Variants in ARID1B observed in about 807,000 individuals in gnomAD.
ARID1B encodes the protein AT-rich interaction domain 1B, also known as AT-rich interactive domain-containing protein 1B.
A neutral mutation model predicts 212.3 loss-of-function variants in ARID1B; 30 were observed. That is an observed-to-expected ratio of 0.14 (90% CI 0.11 to 0.19). The LOEUF (loss-of-function observed/expected upper bound fraction) is 0.19. Ranked by LOEUF, ARID1B falls within the 10% of genes least tolerant of loss-of-function variation. The pLI is 1.00. For synonymous variants in ARID1B, 1,402 were observed against 1,301.7 expected, an observed-to-expected ratio of 1.08 and a Z score of -1.66; for missense variants, 2,891 against 3,204.0, an observed-to-expected ratio of 0.90 and a Z score of 2.36.
intron 4 of ARID1B, among the ~76,000 whole-genome samples, chr6:157,070,640 A>G (rs1379206495): frequency 1.3e-5 from 2 of 152,234 alleles, no homozygotes; most frequent in Non-Finnish European, 2.9e-5. Context: ...GTTCTGGAGC[A>G]TGCGGCAGTA....
chr6:157,058,582 T>A (rs943710080), intron 4 of ARID1B, among the ~76,000 whole-genome samples: 1 of 152,216 alleles, frequency 6.6e-6, no homozygotes, highest in Non-Finnish European at 1.5e-5. Context: ...ATCTTAATCT[T>A]TGTGCCAAAT....
At chr6:156,987,473 G>A (rs1777995773) in intron 4 of ARID1B, among the ~76,000 whole-genome samples, 1 of 152,036 alleles carries the variant, frequency 6.6e-6, no homozygotes, top group South Asian at 2.1e-4. Context: ...TGAGACTACA[G>A]GCGCCCGCTA....
intron 2 of ARID1B, among the ~76,000 whole-genome samples, chr6:156,898,172 C>G (rs1409286145): frequency 6.6e-6 from 1 of 152,150 alleles, no homozygotes; most frequent in Non-Finnish European, 1.5e-5. Context: ...GACTAGCGCT[C>G]AGTAACTGTT....
chr6:157,012,835 C>T (rs1779694853), intron 4 of ARID1B, among the ~76,000 whole-genome samples: 1 of 152,132 alleles, frequency 6.6e-6, no homozygotes, highest in Non-Finnish European at 1.5e-5. Flanking sequence ...TGGTATGGGA[C>T]CTTACATGGT....
chr6:157,062,694 ATATATATATATATTTTTTTTTTT>A (rs1370372050), intron 4 of ARID1B, among the ~76,000 whole-genome samples: 2 of 124,324 alleles, frequency 1.6e-5, no homozygotes, highest in African/African-American at 6.1e-5. Flanking sequence ...GTTTTAAAAT[ATATATATATATATTTTTTTTTTT>A]TTTGAGATGG....
intron 4 of ARID1B, among the ~76,000 whole-genome samples, chr6:156,969,371 G>C (rs1007028289): frequency 6.6e-6 from 1 of 152,216 alleles, no homozygotes; most frequent in East Asian, 1.9e-4. Flanking sequence ...GTGGTTCCCT[G>C]TTCAGCCGTG....
At chr6:157,004,551 T>G (rs1272916623) in intron 4 of ARID1B, among the ~76,000 whole-genome samples, 1 of 152,174 alleles carries the variant, frequency 6.6e-6, no homozygotes, top group African/African-American at 2.4e-5. Flanking sequence ...ATTTCACAGA[T>G]TTTGAAATTT....
intron 2 of ARID1B, among the ~76,000 whole-genome samples, chr6:156,872,910 C>T (rs982258581): frequency 1.3e-5 from 2 of 152,122 alleles, no homozygotes; most frequent in African/African-American, 2.4e-5. Flanking sequence ...CCCTGCCCAT[C>T]GGCCCATCCG....
intron 4 of ARID1B, among the ~76,000 whole-genome samples, chr6:157,031,254 G>A (rs1024225201): frequency 2.0e-5 from 3 of 152,142 alleles, no homozygotes; most frequent in African/African-American, 7.2e-5. Context: ...TTATTTATTA[G>A]TGTCTACTTT....
chr6:156,829,918 GA>G (rs1783026902), intron 2 of ARID1B, among the ~76,000 whole-genome samples: 2 of 151,684 alleles, frequency 1.3e-5, no homozygotes, highest in South Asian at 4.2e-4. Flanking sequence ...TGTACCTTTT[GA>G]AAAAGGTTTC....
intron 7 of ARID1B, among the ~76,000 whole-genome samples, chr6:157,143,557 C>T (rs540735568): frequency 3.7e-4 from 56 of 152,036 alleles, no homozygotes; most frequent in Non-Finnish European, 6.6e-4. Context: ...TTAGGCAGTG[C>T]GGTGCCTGGC....
chr6:156,792,781 C>G (rs886345472), intron 1 of ARID1B, among the ~76,000 whole-genome samples: 1 of 152,116 alleles, frequency 6.6e-6, no homozygotes, highest in African/African-American at 2.4e-5. Flanking sequence ...TGGGTCAGAG[C>G]ATCCGTTACA....
At chr6:156,973,061 C>G (rs534248452) in intron 4 of ARID1B, among the ~76,000 whole-genome samples, 45 of 152,280 alleles carry the variant, frequency 3.0e-4, no homozygotes, top group African/African-American at 1.0e-3. Flanking sequence ...GTATAACAGA[C>G]TAATAGTCTC....
chr6:157,179,713 A>G (rs1792368936), intron 11 of ARID1B, among the ~76,000 whole-genome samples: 1 of 152,146 alleles, frequency 6.6e-6, no homozygotes, highest in African/African-American at 2.4e-5. Context: ...CAGCCCAGTG[A>G]CTCTGGAGAA....
chr6:157,196,213 G>A lies in ARID1B; in HGVS notation c.4280G>A (p.Ser1427Asn), dbSNP rs774520303. The change falls in exon 16 of 20, where the codon AGC (serine) becomes AAC (asparagine). Residue 1427 changes from serine to asparagine, a missense_variant. Around this residue, in one of 7 missense-constraint regions of ARID1B, gnomAD observed 666 missense variants for 873.5 expected, o/e 0.76. Transcript: ENST00000636930. ...PFMTQGQMPN[S>N]SMQDMYNQSP... ...ATGACGCAAGGACAGATGCCCAACA[G>A]CAGCATGCAGGACATGTACAACCAA... 3.7e-6 allele frequency: 6 copies of A among 1,613,700 alleles called. No individual in the cohort carries two copies. The highest frequency in any genetic ancestry group is 4.2e-6 in the Non-Finnish European group (5 of 1,179,918).
intron 1 of ARID1B, among the ~76,000 whole-genome samples, chr6:156,781,550 G>T (rs1031333201): frequency 1.3e-5 from 2 of 152,118 alleles, no homozygotes; most frequent in African/African-American, 4.8e-5. Flanking sequence ...AGACTTGTCA[G>T]AGTGAAGGAA....
intron 1 of ARID1B, among the ~76,000 whole-genome samples, chr6:156,794,013 G>C (rs1487099008): frequency 6.6e-6 from 1 of 152,036 alleles, no homozygotes; most frequent in East Asian, 1.9e-4. Flanking sequence ...GGTTTTTCTG[G>C]TGCTAAAGCC....
intron 4 of ARID1B, among the ~76,000 whole-genome samples, chr6:157,020,661 A>C (rs1780178058): frequency 6.6e-6 from 1 of 152,190 alleles, no homozygotes; most frequent in African/African-American, 2.4e-5. Context: ...AATATTAAAC[A>C]GTGGTGGTTT....
intron 8 of ARID1B, among the ~76,000 whole-genome samples, chr6:157,155,720 AAT>A (rs1292801064): frequency 1.3e-5 from 2 of 152,144 alleles, no homozygotes; most frequent in African/African-American, 4.8e-5. Context: ...AGGGTGAATA[AAT>A]TCCATAGGGT....
Sources: allele counts gnomAD v4.1 joint callset (sites outside exome capture counted in the v4.1 genomes callset), GRCh38; gene constraint gnomAD v4.1.1; regional missense constraint gnomAD v4.1.1; transcripts MANE v1.5; gene names NCBI Gene and HGNC (gene_info 2026-07-23, HGNC 2026-07-21).